BLTP1: variants seen among roughly 807,000 people sequenced by gnomAD.
BLTP1 encodes the protein bridge-like lipid transfer protein family member 1.
At chr4:122,256,549 T>G in the BLTP1 span, among the ~76,000 whole-genome samples, 4 of 152,148 alleles carry the variant, frequency 2.6e-5, no homozygotes, top group African/African-American at 9.7e-5. Flanking sequence ...TGCTCTTCAA[T>G]CAAATTAACC....
the BLTP1 span, chr4:122,254,883 A>T: frequency 6.2e-7 from 1 of 1,613,946 alleles, no homozygotes; most frequent in Non-Finnish European, 8.5e-7. Context: ...AGTCATCTTT[A>T]AACAAATTGG....
chr4:122,344,643 T>G, the BLTP1 span: 1 of 1,214,498 alleles, frequency 8.2e-7, no homozygotes, highest in Non-Finnish European at 1.2e-6. Flanking sequence ...TGTTTAAATA[T>G]TAAGTCACTT....
At chr4:122,351,791 C>CA in the BLTP1 span, among the ~76,000 whole-genome samples, 4 of 151,734 alleles carry the variant, frequency 2.6e-5, no homozygotes, top group Non-Finnish European at 4.4e-5. Flanking sequence ...CTGGATTCTT[C>CA]AAAAAAACTC....
At chr4:122,294,397 A>AG in the BLTP1 span, among the ~76,000 whole-genome samples, 1 of 152,192 alleles carries the variant, frequency 6.6e-6, no homozygotes, top group Non-Finnish European at 1.5e-5. Context: ...CCCCAGAGGA[A>AG]GGGGCAGGCT....
At chr4:122,211,986 T>A in the BLTP1 span, 4 of 795,064 alleles carry the variant, frequency 5.0e-6, no homozygotes, top group African/African-American at 5.6e-5. Flanking sequence ...TAAGAAATTT[T>A]GCATTTTTAC....
chr4:122,216,145 A>AT, the BLTP1 span, among the ~76,000 whole-genome samples: 1 of 144,900 alleles, frequency 6.9e-6, no homozygotes, highest in Non-Finnish European at 1.5e-5. Context: ...CTATCTATCT[A>AT]CCACATTTTC....
chr4:122,261,616 A>G, the BLTP1 span: 14 of 983,494 alleles, frequency 1.4e-5, no homozygotes, highest in Non-Finnish European at 1.6e-5. Context: ...ACACACCTTG[A>G]TTATTAGAGT....
chr4:122,229,707 C>G, the BLTP1 span: 13,998 of 959,964 alleles, frequency 0.015, 141 homozygotes, highest in Non-Finnish European at 0.015. Flanking sequence ...TTTTCCTTTT[C>G]TCCTTTTTAA....
chr4:122,265,326 G>A, the BLTP1 span, among the ~76,000 whole-genome samples: 4 of 152,170 alleles, frequency 2.6e-5, no homozygotes, highest in South Asian at 2.1e-4. Context: ...TAAATGCTAC[G>A]TCAATAATTG....
the BLTP1 span, among the ~76,000 whole-genome samples, chr4:122,223,582 G>T: frequency 6.6e-6 from 1 of 152,174 alleles, no homozygotes; most frequent in Non-Finnish European, 1.5e-5. Context: ...TGTAAAAAGC[G>T]CCACAAGGTG....
the BLTP1 span, chr4:122,289,114 A>C: frequency 1.9e-6 from 3 of 1,608,638 alleles, no homozygotes; most frequent in Non-Finnish European, 2.6e-6. Flanking sequence ...TAATCTTACA[A>C]CTGATCTTCT....
chr4:122,204,645 A>G, the BLTP1 span: 1 of 860,244 alleles, frequency 1.2e-6, no homozygotes, highest in Non-Finnish European at 1.4e-6. Flanking sequence ...TAGTTTGACC[A>G]AAAATGCTGA....
At chr4:122,325,825 T>C in the BLTP1 span, 1 of 1,069,432 alleles carries the variant, frequency 9.4e-7, no homozygotes, top group South Asian at 1.7e-5. Context: ...AGTTTTTTTT[T>C]TTTTTACTTT....
chr4:122,307,158 A>C, the BLTP1 span, among the ~76,000 whole-genome samples: 6 of 152,038 alleles, frequency 3.9e-5, no homozygotes, highest in Admixed American at 1.3e-4. Flanking sequence ...TGGGGCTGGG[A>C]CCCAAGTTTA....
chr4:122,247,816 A>G, the BLTP1 span: 2 of 989,634 alleles, frequency 2.0e-6, no homozygotes, highest in Non-Finnish European at 2.4e-6. Context: ...TAAAGTCCCT[A>G]GTTAGGTAAA....
chr4:122,270,143 T>A, the BLTP1 span, among the ~76,000 whole-genome samples: 13 of 152,102 alleles, frequency 8.5e-5, no homozygotes, highest in East Asian at 2.3e-3. Context: ...AGTTTATGCA[T>A]TTACATAAAT....
At chr4:122,295,787 A>G in the BLTP1 span, among the ~76,000 whole-genome samples, 1 of 152,226 alleles carries the variant, frequency 6.6e-6, no homozygotes, top group East Asian at 1.9e-4. Context: ...GGTTGGTTCA[A>G]ATCAATAAAT....
the BLTP1 span, chr4:122,230,250 C>G: frequency 2.6e-6 from 4 of 1,551,752 alleles, no homozygotes; most frequent in South Asian, 1.1e-5. Flanking sequence ...GTCTCCTGTT[C>G]AGATGAAAAA....
the BLTP1 span, among the ~76,000 whole-genome samples, chr4:122,310,505 A>T: frequency 6.6e-6 from 1 of 152,150 alleles, no homozygotes; most frequent in Non-Finnish European, 1.5e-5. Flanking sequence ...GATGAAGAGT[A>T]GAGAGTTGTA....
Sources: allele counts gnomAD v4.1 joint callset (sites outside exome capture counted in the v4.1 genomes callset), GRCh38; gene constraint gnomAD v4.1.1; transcripts MANE v1.5; gene names NCBI Gene and HGNC (gene_info 2026-07-23, HGNC 2026-07-21).